The following DGKI variants were observed in gnomAD, a reference collection of about 807,000 sequenced individuals.
DGKI encodes diacylglycerol kinase iota.
Under a neutral mutation model 147.5 loss-of-function variants are expected in DGKI, and 55 were observed. The ratio of observed to expected loss-of-function variants is 0.37; its 90% CI spans 0.30 to 0.47. The LOEUF is 0.47. Ranked by LOEUF, DGKI falls within the 20% of genes least tolerant of loss-of-function variation. The probability of loss-of-function intolerance (pLI) is 1.00; values close to 1 mark genes in which losing one functional copy is unlikely to be tolerated. For synonymous variants in DGKI, 469 were observed against 477.1 expected (o/e 0.98, Z 0.22); for missense variants, 1,007 against 1,323.8 (o/e 0.76, Z 3.71).
At chr7:137,719,258 C>T (rs912382449) in intron 1 of DGKI, among the ~76,000 whole-genome samples, 1 of 152,162 alleles carries the variant, frequency 6.6e-6, no homozygotes, top group South Asian at 2.1e-4. Flanking sequence ...CTTCAAGTCC[C>T]CTCCACAGCA....
At chr7:137,646,020 T>C (rs1384309094) in intron 5 of DGKI, among the ~76,000 whole-genome samples, 1 of 152,116 alleles carries the variant, frequency 6.6e-6, no homozygotes, top group African/African-American at 2.4e-5. Flanking sequence ...TCAAACACTC[T>C]GCAGATTTGT....
At chr7:137,433,050 A>C (rs17169174) in intron 28 of DGKI, among the ~76,000 whole-genome samples, 13,066 of 152,242 alleles carry the variant, frequency 0.086, 1,619 homozygotes, top group African/African-American at 0.27. Flanking sequence ...GGGCACCCAA[A>C]ATGAACCCAG....
rs542474194 is a variant in DGKI at position 137,740,479 on chromosome 7, G to A, written c.402-50477C>T. Among the ~76,000 whole-genome samples, 62 of 152,264 alleles carry A rather than the reference G, an allele frequency of 4.1e-4. 1 individual carries two copies. The South Asian group carries it at 0.01, about 25-fold the overall frequency. On this transcript the variant is annotated intron_variant, in intron 1 of 32. Coordinates refer to ENST00000614521, the MANE Select transcript of DGKI (RefSeq NM_001321708.2). ...GTATGTCAGCAATGGCAGGTGTATG[G>A]TGTAAAGCTATCAAGCTGTTTCTTG...
intron 28 of DGKI, among the ~76,000 whole-genome samples, chr7:137,413,449 TAG>T (rs1244256216): frequency 6.6e-6 from 1 of 152,056 alleles, no homozygotes; most frequent in Non-Finnish European, 1.5e-5. Flanking sequence ...TGTCTCCTTC[TAG>T]AGTTCCCAGT....
intron 31 of DGKI, chr7:137,395,908 C>T (rs1811533005): frequency 9.5e-6 from 5 of 527,614 alleles, no homozygotes; most frequent in African/African-American, 1.9e-5. Context: ...TGACTCTAGC[C>T]CCCTTTCCAA....
intron 28 of DGKI, among the ~76,000 whole-genome samples, chr7:137,426,123 G>GA (rs1812793308): frequency 6.6e-6 from 1 of 152,154 alleles, no homozygotes; most frequent in African/African-American, 2.4e-5. Flanking sequence ...TGAAATGAAG[G>GA]AAAAAATGTT....
chr7:137,400,296 T>G (rs942176461), intron 30 of DGKI, among the ~76,000 whole-genome samples: 4 of 152,138 alleles, frequency 2.6e-5, no homozygotes, highest in African/African-American at 9.7e-5. Flanking sequence ...AGAAATTCCA[T>G]GAACATGAGC....
chr7:137,542,218 G>A (rs1480010691), intron 20 of DGKI, among the ~76,000 whole-genome samples: 2 of 152,236 alleles, frequency 1.3e-5, no homozygotes, highest in Non-Finnish European at 2.9e-5. Context: ...AGTTTCTTAC[G>A]AAGGTGAACA....
chr7:137,671,978 T>C (rs755031535), intron 3 of DGKI, among the ~76,000 whole-genome samples: 4 of 152,112 alleles, frequency 2.6e-5, no homozygotes, highest in Non-Finnish European at 4.4e-5. Flanking sequence ...ATAGAGAAGA[T>C]ATATCTGGTA....
At chr7:137,492,903 A>G (rs36125942) in intron 21 of DGKI, among the ~76,000 whole-genome samples, 24,696 of 152,148 alleles carry the variant, frequency 0.16, 2,988 homozygotes, top group African/African-American at 0.35. Flanking sequence ...ACTGTGCCTG[A>G]CAATCAAATA....
chr7:137,505,428 A>C (rs1444638982), intron 21 of DGKI, among the ~76,000 whole-genome samples: 2 of 152,196 alleles, frequency 1.3e-5, no homozygotes, highest in African/African-American at 2.4e-5. Context: ...TAGTTGGTTC[A>C]TGTCATATCT....
intron 1 of DGKI, among the ~76,000 whole-genome samples, chr7:137,734,646 T>C (rs1423772908): frequency 1.3e-5 from 2 of 152,088 alleles, no homozygotes; most frequent in Middle Eastern, 3.4e-3. Flanking sequence ...GCCAACAAAT[T>C]GACTGCTACC....
At chr7:137,534,851 G>T (rs1227793149) in intron 20 of DGKI, among the ~76,000 whole-genome samples, 1 of 152,034 alleles carries the variant, frequency 6.6e-6, no homozygotes, top group African/African-American at 2.4e-5. Context: ...GACTGTATTT[G>T]GAAACAGGGT....
At chr7:137,795,591 T>C (rs1314854431) in intron 1 of DGKI, among the ~76,000 whole-genome samples, 1 of 152,090 alleles carries the variant, frequency 6.6e-6, no homozygotes, top group African/African-American at 2.4e-5. Context: ...AATCAAAATA[T>C]GGGAAATGAG....
intron 19 of DGKI, among the ~76,000 whole-genome samples, chr7:137,566,399 G>C (rs1449477377): frequency 6.6e-6 from 1 of 152,066 alleles, no homozygotes; most frequent in Non-Finnish European, 1.5e-5. Context: ...TGCTATATGA[G>C]TAGCAAGTAG....
At chr7:137,713,176 G>A (rs1356658187) in intron 1 of DGKI, among the ~76,000 whole-genome samples, 1 of 152,152 alleles carries the variant, frequency 6.6e-6, no homozygotes, top group African/African-American at 2.4e-5. Flanking sequence ...AAGTTGATAA[G>A]CATTCATGTA....
intron 2 of DGKI, among the ~76,000 whole-genome samples, chr7:137,687,662 T>C (rs1016357104): frequency 6.6e-6 from 1 of 152,208 alleles, no homozygotes; most frequent in African/African-American, 2.4e-5. Context: ...TTGGTCACGG[T>C]TTGCTTTCTG....
intron 1 of DGKI, among the ~76,000 whole-genome samples, chr7:137,784,732 A>G (rs1325429700): frequency 6.6e-6 from 1 of 152,070 alleles, no homozygotes; most frequent in Non-Finnish European, 1.5e-5. Flanking sequence ...GCCACAAAAC[A>G]AGTCTCAGTA....
chr7:137,629,191 A>G (rs1821044437), intron 6 of DGKI, among the ~76,000 whole-genome samples: 1 of 152,190 alleles, frequency 6.6e-6, no homozygotes, highest in African/African-American at 2.4e-5. Context: ...CAGAACTCCA[A>G]ACATTTCTAC....
Sources: allele counts gnomAD v4.1 joint callset (sites outside exome capture counted in the v4.1 genomes callset), GRCh38; gene constraint gnomAD v4.1.1; transcripts MANE v1.5; gene names NCBI Gene and HGNC (gene_info 2026-07-23, HGNC 2026-07-21).